Variants in COL4A1 observed in about 807,000 individuals in gnomAD.
The protein encoded by COL4A1 is collagen alpha-1(IV) chain.
COL4A1 carries 40 observed loss-of-function variants against 216.6 expected under a neutral mutation model. That is an observed-to-expected ratio of 0.18 (90% CI 0.14 to 0.24). COL4A1 has a LOEUF of 0.24. Among genes scored for constraint, COL4A1 ranks in the 10% least tolerant of loss-of-function variants. The probability of loss-of-function intolerance (pLI) is 1.00; values close to 1 mark genes in which losing one functional copy is unlikely to be tolerated. For missense variants in COL4A1, 1,628 were observed against 2,196.8 expected (o/e 0.74, Z 5.18); for synonymous variants, 839 against 810.7 (o/e 1.03, Z -0.59).
At chr13:110,179,099 ACC>A in intron 30 of COL4A1, 63 bp from the exon 31 acceptor site, 3 of 1,549,710 alleles carry the variant, frequency 1.9e-6, no homozygotes, top group Non-Finnish European at 2.7e-6. Context: ...GGCCTAGGAG[ACC>A]CATGCACACG....
chr13:110,248,308 C>G (rs988086804), intron 1 of COL4A1, among the ~76,000 whole-genome samples: 1 of 152,210 alleles, frequency 6.6e-6, no homozygotes, highest in Non-Finnish European at 1.5e-5. Context: ...ACGCTCCCGG[C>G]GGGATTGCGA....
intron 1 of COL4A1, among the ~76,000 whole-genome samples, chr13:110,245,074 C>T (rs1287655068): frequency 2.0e-5 from 3 of 152,126 alleles, no homozygotes; most frequent in African/African-American, 7.2e-5. Flanking sequence ...ACAGTGCATT[C>T]GTGCACAACA....
chr13:110,201,876 G>A (rs1306837993), intron 18 of COL4A1, among the ~76,000 whole-genome samples: 1 of 152,174 alleles, frequency 6.6e-6, no homozygotes, highest in Non-Finnish European at 1.5e-5. Flanking sequence ...CAGCTACTTG[G>A]GAGGCTGAGA....
intron 1 of COL4A1, among the ~76,000 whole-genome samples, chr13:110,264,838 T>C (rs1882960097): frequency 6.6e-6 from 1 of 152,322 alleles, no homozygotes; most frequent in East Asian, 1.9e-4. Context: ...TGAAGGCCAC[T>C]GGAGCTCCTG....
At chr13:110,167,089 A>T in intron 44 of COL4A1, 69 bp downstream of exon 44, 2 of 1,297,446 alleles carry the variant, frequency 1.5e-6, no homozygotes, top group South Asian at 2.4e-5. Context: ...AAGGTGCCCG[A>T]GGTTAGCAAG....
intron 51 of COL4A1, 38 bp from the exon 52 acceptor site, chr13:110,150,482 C>A: frequency 6.3e-7 from 1 of 1,594,226 alleles, no homozygotes; most frequent in Non-Finnish European, 8.6e-7. Flanking sequence ...TGGCCATCAT[C>A]TCACAGCACG....
chr13:110,195,667 T>G lies in COL4A1; in HGVS notation c.1286-549A>C, dbSNP rs547009924. 2.0e-5 allele frequency among the ~76,000 whole-genome samples: 3 copies of G among 152,308 alleles called. No individual in the cohort carries two copies. The East Asian group carries it at 5.8e-4, about 29-fold the overall frequency. On this transcript the variant is annotated intron_variant, in intron 21 of 51. Transcript: ENST00000375820. ...TATGTAAAGAGGCATAAAAATAAAC[T>G]GCAGTAATGTACACACCATCTGTCC...
intron 2 of COL4A1, among the ~76,000 whole-genome samples, chr13:110,217,025 G>A (rs1428529518): frequency 6.6e-6 from 1 of 152,174 alleles, no homozygotes; most frequent in Non-Finnish European, 1.5e-5. Flanking sequence ...TAAGAAGGAA[G>A]TGACTCCTCC....
Position 110,307,002 on chromosome 13 carries a change from A to C in COL4A1, c.26T>G (p.Leu9Arg). MGPRLSVW[L>R]LLLPAALLLH... ...CAGAAGGGCGGCGGGCAGCAGCAGC[A>C]GCCAGACGCTGAGCCGGGGCCCCAT... Residue 9 changes from leucine to arginine, a missense_variant, in exon 1 of 52, where the codon CTG (leucine) becomes CGG (arginine). By Grantham distance (102) the Leu-to-Arg change is moderately radical. This residue lies in a region of COL4A1 where 74 missense variants were observed against 61.7 expected (regional missense o/e 1.20). Coordinates refer to ENST00000375820, the MANE Select transcript of COL4A1 (RefSeq NM_001845.6). The surrounding 1 kb of genome is among the most constrained non-coding windows in gnomAD (Gnocchi z 5.0). 1 of 1,476,274 alleles carries C rather than the reference A, an allele frequency of 6.8e-7. No individual in the cohort carries two copies. The highest frequency in any genetic ancestry group is 1.3e-5 in the South Asian group (1 of 77,804). The allele number at this position is 1,476,274 out of a possible 1,614,324, so 91.4% of individuals were successfully genotyped here. A position where few individuals can be genotyped will look rare whatever the true frequency, so the allele number is the denominator to read the frequency against.
In COL4A1 at chr13:110,233,714, C is replaced by T. The variant is rs146438253; in HGVS notation, c.144+8961G>A. 6.6e-3 allele frequency among the ~76,000 whole-genome samples: 1,006 copies of T among 152,190 alleles called. 9 individuals are homozygous for T. Among genetic ancestry groups the T allele is most frequent in the African/African-American group, 0.022 (926 of 41,522 alleles). ...CCGGAAATGGATGATAAAACCACAA[C>T]GTTGATTAGAAATTTGGATGGAAAC... On this transcript the variant is annotated intron_variant, in intron 2 of 51. Coordinates refer to ENST00000375820, the MANE Select transcript of COL4A1 (RefSeq NM_001845.6).
At chr13:110,200,354 A>G (rs1014303112) in intron 20 of COL4A1, among the ~76,000 whole-genome samples, 6 of 152,348 alleles carry the variant, frequency 3.9e-5, no homozygotes, top group Admixed American at 3.3e-4. Context: ...CTTCACCCTG[A>G]GGAGCCCCGG....
At chr13:110,291,590 T>G (rs1466412820) in intron 1 of COL4A1, among the ~76,000 whole-genome samples, 1 of 152,204 alleles carries the variant, frequency 6.6e-6, no homozygotes, top group Non-Finnish European at 1.5e-5. Flanking sequence ...ACCCACCCCA[T>G]GTCAAGTGCT....
intron 1 of COL4A1, among the ~76,000 whole-genome samples, chr13:110,243,841 T>C (rs1011968887): frequency 3.3e-5 from 5 of 152,222 alleles, no homozygotes; most frequent in African/African-American, 9.6e-5. Flanking sequence ...AGATTTATTA[T>C]AACACGCTAG....
chr13:110,244,901 C>T (rs1427367237), intron 1 of COL4A1, among the ~76,000 whole-genome samples: 1 of 152,152 alleles, frequency 6.6e-6, no homozygotes, highest in East Asian at 1.9e-4. Context: ...AGATCTATCC[C>T]AATTCCAGAG....
At position 110,210,138 on chromosome 13, in the gene COL4A1, T is replaced by G. The variant is rs766950104; in HGVS notation, c.543A>C (p.Pro181=). 2 of 1,613,982 alleles carry G rather than the reference T, an allele frequency of 1.2e-6. No homozygotes were observed. The highest frequency in any genetic ancestry group is 2.2e-5 in the South Asian group (2 of 91,086). Residue 181 remains proline, a synonymous_variant, in exon 9 of 52, where the codon CCA becomes CCC. Coordinates refer to ENST00000375820, the MANE Select transcript of COL4A1 (RefSeq NM_001845.6). The stretch of plus-strand genomic sequence containing the variant: ...TTCAGCAAATGCTTACTGGAGTCCC[T>G]GGGATTCCGGGAAATCCTCTTTCAC... ...LKGERGFPGI[P]GTPGPPGLPG...
At chr13:110,216,526 G>A (rs1880094547) in intron 2 of COL4A1, among the ~76,000 whole-genome samples, 1 of 152,192 alleles carries the variant, frequency 6.6e-6, no homozygotes, top group Non-Finnish European at 1.5e-5. Context: ...TACATTTGGT[G>A]GAGTATTTTT....
At chr13:110,183,354 G>A in intron 26 of COL4A1, 78 bp from the exon 27 acceptor site, 2 of 1,370,602 alleles carry the variant, frequency 1.5e-6, no homozygotes, top group Non-Finnish European at 2.0e-6. Context: ...CGCAGTGGGT[G>A]GGCTGCACGC....
intron 1 of COL4A1, among the ~76,000 whole-genome samples, chr13:110,280,498 A>C (rs1259074533): frequency 6.6e-6 from 1 of 152,272 alleles, no homozygotes; most frequent in Non-Finnish European, 1.5e-5. Context: ...TTGTATTACA[A>C]GAGAAAGTAT....
rs1879345813 is a variant in COL4A1 at position 110,203,610 on chromosome 13, A to G, written c.958-3T>C. 2 of 1,614,016 alleles carry G rather than the reference A, an allele frequency of 1.2e-6. No individual in the cohort carries two copies. Among genetic ancestry groups the G allele is most frequent in the Non-Finnish European group, 1.7e-6 (2 of 1,180,022 alleles). On this transcript the variant is annotated splice_polypyrimidine_tract_variant and splice_region_variant and intron_variant, in intron 17 of 51. Coordinates refer to ENST00000375820, the MANE Select transcript of COL4A1 (RefSeq NM_001845.6). Reference sequence around the variant, plus strand: ...GGACCTGCTTCACCCTTTTCTCCCTACAAAAGAAAAAATAACTTTCCTTGC... The same window carrying G: ...GGACCTGCTTCACCCTTTTCTCCCTGCAAAAGAAAAAATAACTTTCCTTGC...
Sources: gnomAD v4.1 joint callset for allele counts (sites outside exome capture counted in the v4.1 genomes callset) on GRCh38, gnomAD v4.1.1 for gene constraint, gnomAD v4.1.1 regional missense constraint, Gnocchi (gnomAD v3.1) non-coding constraint, MANE v1.5 for transcripts, NCBI Gene and HGNC (gene_info 2026-07-23, HGNC 2026-07-21) for gene names.